The following TMEM135 variants were observed in gnomAD, a reference collection of about 807,000 sequenced individuals.
The protein encoded by TMEM135 is peroxisomal membrane protein 52.
A neutral mutation model predicts 60.3 loss-of-function variants in TMEM135; 30 were observed. The ratio of observed to expected loss-of-function variants is 0.50; its 90% CI spans 0.37 to 0.68. The LOEUF (loss-of-function observed/expected upper bound fraction) is 0.68, where lower values mean the gene tolerates loss of function less well. Among genes scored for constraint, TMEM135 ranks in the 30% least tolerant of loss-of-function variants. The pLI, the probability that TMEM135 is intolerant of heterozygous loss-of-function variation, is 0.00. For synonymous variants in TMEM135, 190 were observed against 186.7 expected (o/e 1.02, Z -0.14); for missense variants, 468 against 548.8 (o/e 0.85, Z 1.47).
chr11:87,176,384 T>C (rs117050874), intron 5 of TMEM135, among the ~76,000 whole-genome samples: 3,170 of 152,220 alleles, frequency 0.021, 34 homozygotes, highest in South Asian at 0.032. Context: ...CCCATGTGTC[T>C]TGTACAGGCT....
chr11:87,261,862 G>A (rs751880283), intron 6 of TMEM135, among the ~76,000 whole-genome samples: 51 of 152,268 alleles, frequency 3.3e-4, no homozygotes, highest in Non-Finnish European at 6.3e-4. Flanking sequence ...TGGGTTCAAG[G>A]AATCGGCCTG....
At chr11:87,121,432 G>T (rs944341436) in intron 4 of TMEM135, 1 of 151,864 alleles carries the variant, frequency 6.6e-6, no homozygotes, top group Non-Finnish European at 1.5e-5. Flanking sequence ...ACAGGTGTAT[G>T]TAACAATGTT....
intron 5 of TMEM135, among the ~76,000 whole-genome samples, chr11:87,185,218 C>T (rs509485): frequency 0.13 from 20,125 of 152,046 alleles, 1,396 homozygotes; most frequent in Non-Finnish European, 0.15. Context: ...TCCTTATTAT[C>T]GTATTTAGTC....
At chr11:87,129,213 A>ATTTTTTTTTTTTT (rs71040295) in intron 4 of TMEM135, among the ~76,000 whole-genome samples, 15 of 116,258 alleles carry the variant, frequency 1.3e-4, no homozygotes, top group Admixed American at 2.4e-4. Flanking sequence ...TTATTCCTTA[A>ATTTTTTTTTTTTT]TTTTTTTTTT....
At chr11:87,196,162 G>T (rs902589082) in intron 5 of TMEM135, among the ~76,000 whole-genome samples, 1 of 152,110 alleles carries the variant, frequency 6.6e-6, no homozygotes. Flanking sequence ...GTAAAATTAT[G>T]TTGGAACAAT....
intron 5 of TMEM135, chr11:87,178,415 C>T (rs1352120919): frequency 2.2e-6 from 1 of 456,116 alleles, no homozygotes; most frequent in Non-Finnish European, 4.4e-6. Context: ...CCTTTTGAGT[C>T]TGCCTTCCTT....
intron 6 of TMEM135, among the ~76,000 whole-genome samples, chr11:87,285,208 C>T (rs911004191): frequency 2.0e-5 from 3 of 152,074 alleles, no homozygotes; most frequent in African/African-American, 7.2e-5. Flanking sequence ...CTAAGGTAAG[C>T]TCTATACTTG....
chr11:87,075,685 C>A (rs1856856788), intron 3 of TMEM135, among the ~76,000 whole-genome samples: 1 of 152,176 alleles, frequency 6.6e-6, no homozygotes, highest in Admixed American at 6.5e-5. Flanking sequence ...GTATGTAATA[C>A]ATTTCTGATT....
At chr11:87,042,959 G>T (rs60574631) in intron 1 of TMEM135, among the ~76,000 whole-genome samples, 6,730 of 140,998 alleles carry the variant, frequency 0.048, 566 homozygotes, top group African/African-American at 0.16. Flanking sequence ...GTTTTGTTTT[G>T]TTTTTTTTTT....
chr11:87,196,031 T>G (rs1476562297), intron 5 of TMEM135, among the ~76,000 whole-genome samples: 2 of 152,032 alleles, frequency 1.3e-5, no homozygotes, highest in African/African-American at 4.8e-5. Flanking sequence ...ATAGTATCTG[T>G]GCGAGACTAT....
At chr11:87,209,334 A>G (rs932709187) in intron 5 of TMEM135, among the ~76,000 whole-genome samples, 2 of 152,234 alleles carry the variant, frequency 1.3e-5, no homozygotes, top group African/African-American at 4.8e-5. Context: ...AGCCATAGGC[A>G]CAAAATAAAG....
At chr11:87,321,046 G>A (rs956150463) in intron 14 of TMEM135, among the ~76,000 whole-genome samples, 155 bp from the exon 15 acceptor site, 2 of 152,066 alleles carry the variant, frequency 1.3e-5, no homozygotes, top group Admixed American at 6.6e-5. Context: ...TCGAAGAAGA[G>A]CCTTCATGTG....
intron 6 of TMEM135, among the ~76,000 whole-genome samples, chr11:87,280,000 A>C (rs1475716515): frequency 6.6e-6 from 1 of 152,228 alleles, no homozygotes; most frequent in Non-Finnish European, 1.5e-5. Flanking sequence ...TTTATAGTTT[A>C]ATTAAGTTTG....
rs533335636 is a variant in TMEM135, at chr11:87,121,925, C to T, written c.396+30530C>T. Reference sequence around the variant, plus strand: ...AATGTGCTGGGATTATAGGCGTAAGCCACTGCGCCTGGCCTGAATGTCATC... The same window carrying T: ...AATGTGCTGGGATTATAGGCGTAAGTCACTGCGCCTGGCCTGAATGTCATC... On this transcript the variant is annotated intron_variant, in intron 4 of 14. Coordinates refer to ENST00000305494, the MANE Select transcript of TMEM135 (RefSeq NM_022918.4). 2.2e-4 allele frequency among the ~76,000 whole-genome samples: 33 copies of T among 152,272 alleles called. No individual in the cohort carries two copies. The South Asian group carries it at 5.8e-3, about 27-fold the overall frequency.
intron 5 of TMEM135, among the ~76,000 whole-genome samples, chr11:87,233,449 G>A (rs1012740800): frequency 6.6e-6 from 1 of 151,966 alleles, no homozygotes; most frequent in Non-Finnish European, 1.5e-5. Flanking sequence ...AAGAAAGGTG[G>A]AATTACCATC....
At chr11:87,163,209 C>A (rs914644073) in intron 5 of TMEM135, among the ~76,000 whole-genome samples, 4 of 131,822 alleles carry the variant, frequency 3.0e-5, no homozygotes, top group African/African-American at 1.2e-4. Flanking sequence ...CACCACAGTC[C>A]CCGGAGTGTG....
chr11:87,326,357 C>T lies in TMEM135; in HGVS notation c.*5024C>T, dbSNP rs1390101623. ...ACCCTGCATTACTACTTTCCTCCAT[C>T]CCTGAACTAGGACCAGTTAATTTTC... is the stretch of plus-strand genomic sequence containing the variant. On this transcript the variant is annotated 3_prime_UTR_variant, in exon 15 of 15. Coordinates refer to ENST00000305494, the MANE Select transcript of TMEM135 (RefSeq NM_022918.4). The T allele has an allele frequency of 6.6e-6, 3 of 453,968 alleles. No homozygotes were observed. The highest frequency in any genetic ancestry group is 4.0e-5 in the African/African-American group (2 of 50,000). The allele number at this position is 453,968 out of a possible 1,614,324, so 28.1% of individuals were successfully genotyped here.
At chr11:87,273,887 T>TC (rs369204210) in intron 6 of TMEM135, among the ~76,000 whole-genome samples, 6 of 151,780 alleles carry the variant, frequency 4.0e-5, no homozygotes, top group African/African-American at 1.4e-4. Flanking sequence ...TTTGCATTTT[T>TC]CCCCCCAAGA....
chr11:87,305,217 G>C (rs1392384750), intron 8 of TMEM135, among the ~76,000 whole-genome samples: 2 of 151,936 alleles, frequency 1.3e-5, no homozygotes, highest in African/African-American at 4.8e-5. Context: ...TGACTTCATG[G>C]ATGATTTATT....
Sources: allele counts gnomAD v4.1 joint callset (sites outside exome capture counted in the v4.1 genomes callset), GRCh38; gene constraint gnomAD v4.1.1; transcripts MANE v1.5; gene names NCBI Gene and HGNC (gene_info 2026-07-23, HGNC 2026-07-21).